TCF7L2: variants seen among roughly 807,000 people sequenced by gnomAD.
TCF7L2 encodes transcription factor 7 like 2, also known as transcription factor 7-like 2.
A neutral mutation model predicts 77.9 loss-of-function variants in TCF7L2; 23 were observed. That is an observed-to-expected ratio of 0.30 (90% CI 0.21 to 0.42). The LOEUF is 0.42. TCF7L2 is among the 10% of genes least tolerant of loss of function. The probability of loss-of-function intolerance (pLI) is 1.00; values close to 1 mark genes in which losing one functional copy is unlikely to be tolerated. For missense variants in TCF7L2, 654 were observed against 793.1 expected (o/e 0.82, Z 2.11); for synonymous variants, 413 against 340.2 (o/e 1.21, Z -2.36).
rs538090521 is a variant in TCF7L2 at position 112,960,889 on chromosome 10, C to T, written c.382-3667C>T. 3.4e-3 allele frequency among the ~76,000 whole-genome samples: 522 copies of T among 151,946 alleles called. 2 individuals carry two copies. Among genetic ancestry groups the T allele is most frequent in the Non-Finnish European group, 5.5e-3 (372 of 67,968 alleles). ...TGTATTTTTAGTGGAGATGGTGTTT[C>T]GCCATCTTGGCCAGGCTGGTCTGGA... On this transcript the variant is annotated intron_variant, in intron 3 of 13. Coordinates refer to ENST00000627217, the MANE Select transcript of TCF7L2 (RefSeq NM_001146274.2).
At chr10:113,038,410 A>G (rs1005708488) in intron 4 of TCF7L2, among the ~76,000 whole-genome samples, 6 of 152,174 alleles carry the variant, frequency 3.9e-5, no homozygotes, top group African/African-American at 1.4e-4. Context: ...TATAGATCCT[A>G]GACGTCATGG....
chr10:113,093,708 T>C (rs1255244527), intron 5 of TCF7L2, among the ~76,000 whole-genome samples: 1 of 152,172 alleles, frequency 6.6e-6, no homozygotes, highest in Non-Finnish European at 1.5e-5. Context: ...TAGTTAGCTA[T>C]TCATGTACAT....
At chr10:113,127,866 CTTTTTTTT>C (rs34638595) in intron 5 of TCF7L2, among the ~76,000 whole-genome samples, 2 of 110,220 alleles carry the variant, frequency 1.8e-5, no homozygotes, top group Non-Finnish European at 1.8e-5. Flanking sequence ...TTGCTGCGTC[CTTTTTTTT>C]TTTTTTTTTT....
At chr10:113,102,111 C>CAAAA (rs139047649) in intron 5 of TCF7L2, among the ~76,000 whole-genome samples, 1 of 71,744 alleles carries the variant, frequency 1.4e-5, no homozygotes, top group African/African-American at 5.9e-5. Context: ...GTGACTCCAT[C>CAAAA]AAAAAAAAAA....
intron 5 of TCF7L2, among the ~76,000 whole-genome samples, chr10:113,073,784 C>T (rs1423554022): frequency 2.0e-5 from 3 of 152,148 alleles, no homozygotes; most frequent in Admixed American, 1.3e-4. Context: ...TCCCAACCTG[C>T]GGGCCTCAGT....
At chr10:113,161,655 G>T (rs567018450) in intron 13 of TCF7L2, 1 of 1,527,854 alleles carries the variant, frequency 6.5e-7, no homozygotes, top group African/African-American at 1.4e-5. Context: ...TGCCTCCCTC[G>T]TCACGTGTCC....
At chr10:113,089,500 G>A (rs1264425809) in intron 5 of TCF7L2, 3 of 1,613,858 alleles carry the variant, frequency 1.9e-6, no homozygotes, top group South Asian at 1.1e-5. Flanking sequence ...ATGAAAAGGA[G>A]CCACTCCTTA....
At chr10:113,008,704 A>T (rs1183519976) in intron 4 of TCF7L2, among the ~76,000 whole-genome samples, 1 of 152,202 alleles carries the variant, frequency 6.6e-6, no homozygotes, top group Non-Finnish European at 1.5e-5. Context: ...CGTAACGGCT[A>T]AAGTAACACT....
intron 3 of TCF7L2, among the ~76,000 whole-genome samples, chr10:112,954,649 T>C (rs988471038): frequency 6.6e-5 from 10 of 152,232 alleles, no homozygotes; most frequent in Non-Finnish European, 1.3e-4. Context: ...AACATTTGTA[T>C]ATTAAAGATA....
chr10:113,085,349 T>G (rs988197108), intron 5 of TCF7L2, among the ~76,000 whole-genome samples: 3 of 151,934 alleles, frequency 2.0e-5, no homozygotes, highest in Non-Finnish European at 4.4e-5. Flanking sequence ...GGATTATAGG[T>G]GTAAGCCACC....
intron 5 of TCF7L2, among the ~76,000 whole-genome samples, chr10:113,080,152 C>T (rs1384904148): frequency 1.3e-5 from 2 of 151,818 alleles, no homozygotes; most frequent in Non-Finnish European, 2.9e-5. Context: ...TCCTCTTTAA[C>T]GTGATTTTTA....
chr10:113,018,842 G>A (rs57321755), intron 4 of TCF7L2, among the ~76,000 whole-genome samples: 1,972 of 152,242 alleles, frequency 0.013, 54 homozygotes, highest in African/African-American at 0.044. Context: ...GGATCTGTTT[G>A]TCCAGTGTAC....
intron 4 of TCF7L2, among the ~76,000 whole-genome samples, chr10:112,993,717 C>T (rs933916356): frequency 7.2e-5 from 11 of 152,148 alleles, no homozygotes; most frequent in African/African-American, 2.2e-4. Context: ...CACCTCTTGC[C>T]TCGCAAGCTG....
At chr10:112,979,485 G>C (rs1384854749) in intron 4 of TCF7L2, among the ~76,000 whole-genome samples, 1 of 152,138 alleles carries the variant, frequency 6.6e-6, no homozygotes, top group Non-Finnish European at 1.5e-5. Context: ...GACTGGGTGC[G>C]GTGGCTCATG....
intron 7 of TCF7L2, 97 bp downstream of exon 7, chr10:113,144,122 G>GTC: frequency 1.0e-6 from 1 of 965,796 alleles, no homozygotes; most frequent in Non-Finnish European, 1.5e-6. Flanking sequence ...GTGTGTGTGT[G>GTC]TGTGTGTGTG....
chr10:113,095,024 T>C (rs2060801496), intron 5 of TCF7L2, among the ~76,000 whole-genome samples: 1 of 152,182 alleles, frequency 6.6e-6, no homozygotes, highest in Admixed American at 6.5e-5. Context: ...GAGAATCGCT[T>C]GAACCTGGGA....
At chr10:113,013,614 A>G (rs748766203) in intron 4 of TCF7L2, among the ~76,000 whole-genome samples, 7 of 152,198 alleles carry the variant, frequency 4.6e-5, no homozygotes, top group Non-Finnish European at 8.8e-5. Flanking sequence ...ATAAGCTTTG[A>G]TTAAAGATTT....
At chr10:113,140,551 C>T (rs1236036150) in intron 5 of TCF7L2, among the ~76,000 whole-genome samples, 2 of 152,150 alleles carry the variant, frequency 1.3e-5, no homozygotes, top group Non-Finnish European at 2.9e-5. Flanking sequence ...ATAAAATATG[C>T]AGGTGCTTGT....
intron 5 of TCF7L2, among the ~76,000 whole-genome samples, chr10:113,054,471 A>G (rs1366375577): frequency 1.3e-5 from 2 of 152,204 alleles, no homozygotes; most frequent in Non-Finnish European, 2.9e-5. Flanking sequence ...TGGGGAGAGA[A>G]GTTAGAGGTG....
Sources: gnomAD v4.1 joint callset for allele counts (sites outside exome capture counted in the v4.1 genomes callset) on GRCh38, gnomAD v4.1.1 for gene constraint, MANE v1.5 for transcripts, NCBI Gene and HGNC (gene_info 2026-07-23, HGNC 2026-07-21) for gene names.